MED23: variants seen among roughly 807,000 people sequenced by gnomAD.
MED23 encodes the protein mediator of RNA polymerase II transcription subunit 23.
A neutral mutation model predicts 163.9 loss-of-function variants in MED23; 105 were observed. The observed-to-expected ratio is 0.64, with a 90% CI of 0.55 to 0.75. MED23 has a LOEUF of 0.75. Ranked by LOEUF, MED23 falls within the 30% of genes least tolerant of loss-of-function variation. The probability of loss-of-function intolerance (pLI) is 0.00; values close to 1 mark genes in which losing one functional copy is unlikely to be tolerated. For missense variants in MED23, 1,054 were observed against 1,649.0 expected (o/e 0.64, Z 6.25); for synonymous variants, 561 against 565.6 (o/e 0.99, Z 0.12).
At chr6:131,574,053 C>T (rs1052309133) in exon 31 of MED23, 3 of 574,040 alleles carry the variant, frequency 5.2e-6, no homozygotes, top group Non-Finnish European at 9.4e-6. Context: ...ATGCCAGCAA[C>T]ATTGAATACA....
chr6:131,618,414 T>A lies in MED23; in HGVS notation c.773A>T (p.Tyr258Phe). 1 of 1,610,502 alleles carries A rather than the reference T, an allele frequency of 6.2e-7. No homozygotes were observed. The highest frequency in any genetic ancestry group is 8.5e-7 in the Non-Finnish European group (1 of 1,176,768). Reference protein sequence around the residue: ...LRFPLKGLLPYDKDLFEPQTA... With the variant: ...LRFPLKGLLPFDKDLFEPQTA... ...TTATATTTAGCAACATACCTTATCA[T>A]ATGGCAAAAGGCCTTTCAAAGGAAA... Residue 258 changes from tyrosine to phenylalanine, a missense_variant, in exon 9 of 29, where the codon TAT (tyrosine) becomes TTT (phenylalanine). This residue lies in a region of MED23 where 54 missense variants were observed against 79.7 expected (regional missense o/e 0.68). Transcript: ENST00000368068.
At chr6:131,577,154 G>GTA (rs1773657331) in intron 30 of MED23, among the ~76,000 whole-genome samples, 1 of 152,198 alleles carries the variant, frequency 6.6e-6, no homozygotes, top group Non-Finnish European at 1.5e-5. Flanking sequence ...GGCGCAGTGT[G>GTA]TATATATACA....
chr6:131,620,586 G>C, intron 7 of MED23, 42 bp downstream of exon 7: 1 of 1,458,240 alleles, frequency 6.9e-7, no homozygotes, highest in Non-Finnish European at 9.6e-7. Flanking sequence ...ACGAAGCCCA[G>C]CCGAAAATTT....
At chr6:131,618,794 C>A (rs965302766) in intron 8 of MED23, among the ~76,000 whole-genome samples, 4 of 152,206 alleles carry the variant, frequency 2.6e-5, no homozygotes, top group African/African-American at 9.7e-5. Context: ...TGGGCCAAAT[C>A]CAGCCTGGCA....
Position 131,598,625 on chromosome 6 carries a change from G to A in MED23, c.2357C>T (p.Pro786Leu). The A allele has an allele frequency of 1.9e-6, 3 of 1,614,104 alleles. No homozygotes were observed. The highest frequency in any genetic ancestry group is 2.5e-6 in the Non-Finnish European group (3 of 1,180,014). The part of the protein sequence containing the change: ...IITHFSMQGS[P>L]PLFLCLLWKM... The stretch of plus-strand genomic sequence containing the variant: ...CCAGAGAAGACAAAGAAAGAGAGGA[G>A]GGGAGCCCTGCATAGAGAAGTGGGT... Residue 786 changes from proline (P) to leucine (L), a missense_variant, in exon 19 of 29, where the codon CCT (proline) becomes CTT (leucine). This residue lies in a region of MED23 where 228 missense variants were observed against 461.3 expected (regional missense o/e 0.49). Transcript: ENST00000368068. This position sits in a 1 kb window ranked among gnomAD's most constrained non-coding sequence, Gnocchi z 4.7.
Position 131,627,691 on chromosome 6 carries a change from C to T in MED23, c.40-19G>A. 7.9e-7 allele frequency: 1 copy of T among 1,265,362 alleles called. No individual in the cohort carries two copies. Among genetic ancestry groups the T allele is most frequent in the Non-Finnish European group, 1.1e-6 (1 of 908,516 alleles). 78.4% of individuals were successfully genotyped at this position (1,265,362 alleles called of 1,614,324 possible). A position where few individuals can be genotyped will look rare whatever the true frequency, so the allele number is the denominator to read the frequency against. On this transcript the variant is annotated intron_variant, in intron 1 of 28. Coordinates refer to ENST00000368068, the MANE Select transcript of MED23 (RefSeq NM_004830.4). ...CCGTTTTCTGTAAAAAAAAAAAAAA[C>T]AAAATGTAAACAATGTTAATTTTAA...
At chr6:131,608,701 C>T (rs953927789) in intron 11 of MED23, among the ~76,000 whole-genome samples, 12 of 152,064 alleles carry the variant, frequency 7.9e-5, no homozygotes, top group Admixed American at 6.6e-4. Flanking sequence ...CCACCCCACC[C>T]GGCTGGTTTT....
Position 131,596,685 on chromosome 6 carries a change from T to C in MED23, c.2611A>G (p.Met871Val), listed in dbSNP as rs142460188. 8 of 1,613,832 alleles carry C rather than the reference T, an allele frequency of 5.0e-6. No homozygotes were observed. The highest frequency in any genetic ancestry group is 1.3e-5 in the African/African-American group (1 of 74,922). ...GCTTCATTTCCTTCGTGACTACGCA[T>C]GGCCTTTGAAAAACAACAGAAAAAT... ...TLDRLILCLA[M>V]RSHEGNEAQV... Residue 871 changes from methionine (M) to valine (V), a missense_variant, in exon 21 of 29, where the codon ATG becomes GTG. Transcript: ENST00000368068.
Position 131,604,267 on chromosome 6 carries a change from C to T in MED23, c.1667G>A (p.Ser556Asn). 2 of 1,613,814 alleles carry T rather than the reference C, an allele frequency of 1.2e-6. No individual in the cohort carries two copies. The highest frequency in any genetic ancestry group is 1.7e-6 in the Non-Finnish European group (2 of 1,179,788). ...CACTAGGGCTGGAGCCAAGGCCACA[C>T]TGGACTTTGCATGAGCAAGTTTTAT... is the stretch of plus-strand genomic sequence containing the variant. ...RVIKLAHAKS[S>N]VALAPALVET... Residue 556 changes from serine to asparagine, a missense_variant, in exon 15 of 29, where the codon AGT becomes AAT. By Grantham distance (46) the Ser-to-Asn change is conservative. This residue lies in a region of MED23 where 54 missense variants were observed against 89.8 expected (regional missense o/e 0.60). Coordinates refer to ENST00000368068, the MANE Select transcript of MED23 (RefSeq NM_004830.4).
chr6:131,589,434 C>A (rs1424518322), intron 28 of MED23, 31 bp downstream of exon 28: 1 of 1,584,450 alleles, frequency 6.3e-7, no homozygotes, highest in South Asian at 1.1e-5. Context: ...AATTAAACAT[C>A]ATTAAAAATA....
downstream of MED23, chr6:131,586,700 C>A: frequency 1.5e-6 from 2 of 1,371,272 alleles, no homozygotes; most frequent in Non-Finnish European, 9.6e-7. Flanking sequence ...AGCACACCAC[C>A]TGGCACACAG....
chr6:131,627,439 CTAAT>C lies in MED23; in HGVS notation c.112_115del (p.Ile38AlafsTer45), dbSNP rs2114797641. 6.2e-7 allele frequency: 1 copy of C among 1,613,358 alleles called. No individual in the cohort carries two copies. The highest frequency in any genetic ancestry group is 8.5e-7 in the Non-Finnish European group (1 of 1,179,862). Reference sequence around the variant, plus strand: ...AAACTGTCTGAAGGCCCCCAAACAGCTAATTAGTTTTGTTTTCTCATCTTCAGGA... The same window carrying C: ...AAACTGTCTGAAGGCCCCCAAACAGCTAGTTTTGTTTTCTCATCTTCAGGA... On this transcript the variant is annotated frameshift_variant, in exon 3 of 29. Transcript: ENST00000368068. LOFTEE classifies it high-confidence loss of function.
intron 11 of MED23, 37 bp downstream of exon 11, chr6:131,610,009 A>C (rs537720950): frequency 6.3e-7 from 1 of 1,578,942 alleles, no homozygotes; most frequent in South Asian, 1.1e-5. Context: ...AGTAATCAAC[A>C]GGTGAAGTCA....
rs1364551430 is a variant in MED23 at position 131,609,083 on chromosome 6, T to C, written c.1077+963A>G. ...TCTGTCCTGGTTTAGGCCTTCAGCA[T>C]CTTTCACCTAGTCCACTGTAGTATC... On this transcript the variant is annotated intron_variant, in intron 11 of 28. Coordinates refer to ENST00000368068, the MANE Select transcript of MED23 (RefSeq NM_004830.4). Among the ~76,000 whole-genome samples, 5 of 152,200 alleles carry C rather than the reference T, an allele frequency of 3.3e-5. No individual in the cohort carries two copies. The South Asian group carries it at 1.0e-3, about 32-fold the overall frequency.
At position 131,580,241 on chromosome 6, in the gene MED23, G is replaced by T. The variant is rs188381217; in HGVS notation, c.4096-5946C>A. Among the ~76,000 whole-genome samples the T allele has an allele frequency of 2.0e-5, 3 of 152,238 alleles. No individual in the cohort carries two copies. In the East Asian group the frequency reaches 5.8e-4, roughly 29 times the overall value. On this transcript the variant is annotated intron_variant, in intron 30 of 30. Transcript: ENST00000354577. ...CTTCTAAAGCCAAACTGTCACCAAG[G>T]CCTCTGTATCAAAACTGCAATTGGG...
At position 131,579,269 on chromosome 6, in the gene MED23, C is replaced by G. The variant is rs760319794; in HGVS notation, c.4096-4974G>C. 9.9e-6 allele frequency: 16 copies of G among 1,613,904 alleles called. No individual in the cohort carries two copies. The East Asian group carries it at 2.9e-4, about 29-fold the overall frequency. On this transcript the variant is annotated intron_variant, in intron 30 of 30. Coordinates refer to the MED23 transcript ENST00000354577. ...GAAGAACGGAAGAATCAGCCTGGTG[C>G]TGGGCGGAGACCACAGGTCTTGTTG...
At chr6:131,621,107 G>A (rs963271715) in intron 6 of MED23, among the ~76,000 whole-genome samples, 2 of 152,078 alleles carry the variant, frequency 1.3e-5, no homozygotes, top group Admixed American at 1.3e-4. Context: ...TGGCCCATGT[G>A]AGCGTTTTAA....
intron 27 of MED23, among the ~76,000 whole-genome samples, chr6:131,589,844 T>C (rs776390946): frequency 1.3e-5 from 2 of 152,224 alleles, no homozygotes; most frequent in Non-Finnish European, 2.9e-5. Context: ...AAGTAATTTC[T>C]CTTAAAATCA....
At chr6:131,622,547 CATTT>C (rs1777186844) in intron 5 of MED23, among the ~76,000 whole-genome samples, 1 of 152,152 alleles carries the variant, frequency 6.6e-6, no homozygotes, top group African/African-American at 2.4e-5. Context: ...TTTCATTCAA[CATTT>C]ATTTATTGAC....
Sources: allele counts gnomAD v4.1 joint callset (sites outside exome capture counted in the v4.1 genomes callset), GRCh38; gene constraint gnomAD v4.1.1; regional missense constraint gnomAD v4.1.1; non-coding constraint Gnocchi (gnomAD v3.1); transcripts MANE v1.5; gene names NCBI Gene and HGNC (gene_info 2026-07-23, HGNC 2026-07-21).